The following PLCG1 variants were observed in gnomAD, a reference collection of about 807,000 sequenced individuals.
PLCG1 encodes the protein phospholipase C gamma 1.
PLCG1 carries 71 observed loss-of-function variants against 177.8 expected under a neutral mutation model. That is an observed-to-expected ratio of 0.40 (90% CI 0.33 to 0.49). The LOEUF is 0.49. Among genes scored for constraint, PLCG1 ranks in the 20% least tolerant of loss-of-function variants. PLCG1 has a pLI of 0.72. For missense variants in PLCG1, 1,281 were observed against 1,709.0 expected, an observed-to-expected ratio of 0.75 and a Z score of 4.42; for synonymous variants, 658 against 647.9, an observed-to-expected ratio of 1.02 and a Z score of -0.24.
In PLCG1 at chr20:41,144,565, C is replaced by A. The variant is rs1368209606; in HGVS notation, c.217+6707C>A. Among the ~76,000 whole-genome samples the A allele has an allele frequency of 6.6e-6, 1 of 152,196 alleles. No homozygotes were observed. Among genetic ancestry groups the A allele is most frequent in the Non-Finnish European group, 1.5e-5 (1 of 68,042 alleles). ...GGGGGTGGGACACAGAAGAGCCTCA[C>A]CCTCTTGACTTTCTGGTTTGTGGTG... On this transcript the variant is annotated intron_variant, in intron 1 of 31. Transcript: ENST00000685551. The surrounding 1 kb of genome is among the most constrained non-coding windows in gnomAD (Gnocchi z 4.1).
At chr20:41,171,617 A>G (rs1289934372) in intron 24 of PLCG1, among the ~76,000 whole-genome samples, 1 of 149,940 alleles carries the variant, frequency 6.7e-6, no homozygotes, top group East Asian at 2.0e-4. Context: ...AAAGCCACTG[A>G]AAGAAAGTCC....
rs997284088 is a variant in PLCG1 at position 41,159,005 on chromosome 20, C to T, written c.218-601C>T. On this transcript the variant is annotated intron_variant, in intron 1 of 31. Transcript: ENST00000685551. The surrounding 1 kb of genome is among the most constrained non-coding windows in gnomAD (Gnocchi z 6.0). Reference sequence around the variant, plus strand: ...GGATAGCTAAGATAAGGAAATGGTCCCAGGCAAAATGGTGGTCTGGGTCCA... The same window carrying T: ...GGATAGCTAAGATAAGGAAATGGTCTCAGGCAAAATGGTGGTCTGGGTCCA... Among the ~76,000 whole-genome samples, 3 of 152,164 alleles carry T rather than the reference C, an allele frequency of 2.0e-5. No individual in the cohort carries two copies. The highest frequency in any genetic ancestry group is 4.1e-4 in the South Asian group (2 of 4,824).
In PLCG1 at chr20:41,173,683, C is replaced by T; in HGVS notation, c.3426C>T (p.Ala1142=). The part of the protein sequence containing the change: ...VDNGLNPVWP[A]KPFHFQISNP... Reference sequence around the variant, plus strand: ...ATGGACTCAACCCTGTATGGCCAGCCAAGCCCTTCCACTTCCAGATCAGTA... The same window carrying T: ...ATGGACTCAACCCTGTATGGCCAGCTAAGCCCTTCCACTTCCAGATCAGTA... The change falls in exon 29 of 32, where the codon GCC becomes GCT. Residue 1142 remains alanine (A), a synonymous_variant. Transcript: ENST00000685551. This position sits in a 1 kb window ranked among gnomAD's most constrained non-coding sequence, Gnocchi z 6.2. The T allele has an allele frequency of 6.2e-7, 1 of 1,614,218 alleles. No individual in the cohort carries two copies. Among genetic ancestry groups the T allele is most frequent in the Non-Finnish European group, 8.5e-7 (1 of 1,180,036 alleles).
chr20:41,138,567 G>C (rs2034697057), intron 1 of PLCG1, among the ~76,000 whole-genome samples: 1 of 151,788 alleles, frequency 6.6e-6, no homozygotes, highest in Non-Finnish European at 1.5e-5. Context: ...CCAGGGCAGG[G>C]ACTCCCCTTG....
chr20:41,161,354 G>T (rs1195684160), intron 4 of PLCG1, among the ~76,000 whole-genome samples: 2 of 152,172 alleles, frequency 1.3e-5, no homozygotes, highest in East Asian at 3.8e-4. Context: ...ACTCTTGCAA[G>T]GAGTTTTGCT....
chr20:41,171,952 C>A (rs371350937), intron 24 of PLCG1, among the ~76,000 whole-genome samples: 6 of 152,318 alleles, frequency 3.9e-5, no homozygotes, highest in Admixed American at 6.5e-5. Flanking sequence ...CCCCACCCCC[C>A]CTAAGAGGGT....
Position 41,163,911 on chromosome 20 carries a change from G to A in PLCG1, c.1011-10G>A. 3 of 1,614,034 alleles carry A rather than the reference G, an allele frequency of 1.9e-6. No individual in the cohort carries two copies. Among genetic ancestry groups the A allele is most frequent in the Non-Finnish European group, 2.5e-6 (3 of 1,179,938 alleles). ...TGACCATACCTACCTGCCTCTCCTT[G>A]CCTATCCAGGTACCTGACCGGGGAC... On this transcript the variant is annotated splice_polypyrimidine_tract_variant and intron_variant, in intron 10 of 31. Transcript: ENST00000685551. This position sits in a 1 kb window ranked among gnomAD's most constrained non-coding sequence, Gnocchi z 5.2.
At position 41,173,701 on chromosome 20, in the gene PLCG1, G is replaced by A; in HGVS notation, c.3444G>A (p.Gln1148=). 6.2e-7 allele frequency: 1 copy of A among 1,614,182 alleles called. No individual in the cohort carries two copies. The highest frequency in any genetic ancestry group is 8.5e-7 in the Non-Finnish European group (1 of 1,180,030). Residue 1148 remains glutamine, a synonymous_variant, in exon 29 of 32, where the codon CAG becomes CAA. Coordinates refer to ENST00000685551, the MANE Select transcript of PLCG1 (RefSeq NM_002660.3). The surrounding 1 kb of genome is among the most constrained non-coding windows in gnomAD (Gnocchi z 6.2). ...GGCCAGCCAAGCCCTTCCACTTCCAGATCAGTAACCCTGAATTTGCCTTTC... is the reference window on the plus strand; with the variant it reads ...GGCCAGCCAAGCCCTTCCACTTCCAAATCAGTAACCCTGAATTTGCCTTTC... ...PVWPAKPFHF[Q]ISNPEFAFLR...
At position 41,172,173 on chromosome 20, in the gene PLCG1, G is replaced by A; in HGVS notation, c.2809-20G>A. 2 of 1,589,856 alleles carry A rather than the reference G, an allele frequency of 1.3e-6. No individual in the cohort carries two copies. ...GCAGGGCTGTAGCCTGGGGCTACAG[G>A]GCCTTGTGTGTGTCACCAGCTCACT... On this transcript the variant is annotated intron_variant, in intron 24 of 31. Transcript: ENST00000685551. This position sits in a 1 kb window ranked among gnomAD's most constrained non-coding sequence, Gnocchi z 7.0.
Position 41,154,963 on chromosome 20 carries a change from A to G in PLCG1, c.218-4643A>G, listed in dbSNP as rs35485744. On this transcript the variant is annotated intron_variant, in intron 1 of 31. Coordinates refer to ENST00000685551, the MANE Select transcript of PLCG1 (RefSeq NM_002660.3). Reference sequence around the variant, plus strand: ...GCAACTGCCATTACTGGCATGTCCAAAAGGGGGATGCTGTCCAGGACTGCA... The same window carrying G: ...GCAACTGCCATTACTGGCATGTCCAGAAGGGGGATGCTGTCCAGGACTGCA... 6.0e-3 allele frequency among the ~76,000 whole-genome samples: 913 copies of G among 152,294 alleles called. 7 individuals carry two copies. Among genetic ancestry groups the G allele is most frequent in the South Asian group, 0.018 (87 of 4,826 alleles).
At chr20:41,154,762 C>G (rs1036680600) in intron 1 of PLCG1, among the ~76,000 whole-genome samples, 1 of 152,176 alleles carries the variant, frequency 6.6e-6, no homozygotes, top group South Asian at 2.1e-4. Flanking sequence ...CTTGTCCCTT[C>G]GACAGCACCC....
Position 41,167,905 on chromosome 20 carries a change from G to A in PLCG1, c.2355G>A (p.Glu785=). The A allele has an allele frequency of 1.2e-6, 2 of 1,613,790 alleles. No homozygotes were observed. Among genetic ancestry groups the A allele is most frequent in the Non-Finnish European group, 1.7e-6 (2 of 1,179,784 alleles). ...YEGRNPGFYV[E]ANPMPTFKCA... is the part of the protein sequence containing the mutation. The stretch of plus-strand genomic sequence containing the variant: ...GACGCAACCCTGGCTTCTATGTAGA[G>A]GCAAACCCTATGCCAACTTTCAAGG... The change falls in exon 20 of 32, where the codon GAG becomes GAA. Residue 785 remains glutamate (E), a synonymous_variant. Transcript: ENST00000685551. This position sits in a 1 kb window ranked among gnomAD's most constrained non-coding sequence, Gnocchi z 4.4.
chr20:41,140,839 A>G (rs2034799672), intron 1 of PLCG1, among the ~76,000 whole-genome samples: 1 of 152,210 alleles, frequency 6.6e-6, no homozygotes, highest in Non-Finnish European at 1.5e-5. Context: ...CCCATTTTAC[A>G]GATGAGCAAA....
rs1176369860 is a variant in PLCG1, at chr20:41,174,827, G to A, written c.*318G>A. On this transcript the variant is annotated 3_prime_UTR_variant, in exon 32 of 32. Coordinates refer to ENST00000685551, the MANE Select transcript of PLCG1 (RefSeq NM_002660.3). This position sits in a 1 kb window ranked among gnomAD's most constrained non-coding sequence, Gnocchi z 5.8. ...GACCATGGCCGAAGCCCCTTGGAGAGAGAGGCTGCCTCAGCCAGTGGCACA... is the reference window on the plus strand; with the variant it reads ...GACCATGGCCGAAGCCCCTTGGAGAAAGAGGCTGCCTCAGCCAGTGGCACA... 2.8e-6 allele frequency: 1 copy of A among 356,808 alleles called. No homozygotes were observed. Among genetic ancestry groups the A allele is most frequent in the Non-Finnish European group, 5.2e-6 (1 of 191,456 alleles). 22.1% of individuals were successfully genotyped at this position (356,808 alleles called of 1,614,324 possible). A position where few individuals can be genotyped will look rare whatever the true frequency, so the allele number is the denominator to read the frequency against.
In PLCG1 at chr20:41,166,669, C is replaced by T. The variant is rs1333543903; in HGVS notation, c.2121-10C>T. ...CCCTGACCCTGTGTGACTGTTTTGT[C>T]CTTGTGAAGGGCTGAGGGCAAGATC... On this transcript the variant is annotated splice_polypyrimidine_tract_variant and intron_variant, in intron 18 of 31. Coordinates refer to ENST00000685551, the MANE Select transcript of PLCG1 (RefSeq NM_002660.3). This position sits in a 1 kb window ranked among gnomAD's most constrained non-coding sequence, Gnocchi z 8.6. The T allele has an allele frequency of 2.5e-6, 4 of 1,614,088 alleles. No homozygotes were observed. Among genetic ancestry groups the T allele is most frequent in the Admixed American group, 1.7e-5 (1 of 60,030 alleles).
chr20:41,162,393 A>C (rs2035537272), intron 4 of PLCG1, 59 bp from the exon 5 acceptor site: 1 of 1,381,842 alleles, frequency 7.2e-7, no homozygotes, highest in Non-Finnish European at 1.0e-6. Context: ...GGCTCGACCC[A>C]CAGGTCAGAG....
intron 4 of PLCG1, among the ~76,000 whole-genome samples, chr20:41,161,048 G>A (rs1471631188): frequency 1.3e-5 from 2 of 152,120 alleles, no homozygotes. Context: ...ATTTTAACTT[G>A]GGAGTATGTA....
Position 41,170,146 on chromosome 20 carries a change from C to A in PLCG1, c.2685C>A (p.Phe895Leu), listed in dbSNP as rs1457168338. The stretch of plus-strand genomic sequence containing the variant: ...CTGAGGGCAAGAACAACCGGCTCTT[C>A]GTCTTCTCCATCAGCATGGCGTCGG... ...IRPEGKNNRL[F>L]VFSISMASVA... Residue 895 changes from phenylalanine (F) to leucine (L), a missense_variant, in exon 24 of 32, where the codon TTC becomes TTA. Physicochemically the swap from Phe to Leu is conservative, Grantham distance 22 (BLOSUM62 0). This residue lies in a region of PLCG1 where 723 missense variants were observed against 1,030.0 expected (regional missense o/e 0.70). Coordinates refer to ENST00000685551, the MANE Select transcript of PLCG1 (RefSeq NM_002660.3). The A allele has an allele frequency of 6.2e-7, 1 of 1,613,736 alleles. No individual in the cohort carries two copies. The highest frequency in any genetic ancestry group is 1.3e-5 in the African/African-American group (1 of 74,916).
In PLCG1 at chr20:41,155,990, G is replaced by GA. The variant is rs1163106612; in HGVS notation, c.218-3614dup. On this transcript the variant is annotated intron_variant, in intron 1 of 31. Coordinates refer to ENST00000685551, the MANE Select transcript of PLCG1 (RefSeq NM_002660.3). ...GGGAAAGCTTCTTGAAAGAGCAGGA[G>GA]AAGGCAGATCTCCATCAGGGCAGGG... is the stretch of plus-strand genomic sequence containing the variant. Among the ~76,000 whole-genome samples the GA allele has an allele frequency of 3.9e-5, 6 of 152,318 alleles. No homozygotes were observed. In the East Asian group the frequency reaches 1.2e-3, roughly 29 times the overall value.
Sources: allele counts gnomAD v4.1 joint callset (sites outside exome capture counted in the v4.1 genomes callset), GRCh38; gene constraint gnomAD v4.1.1; regional missense constraint gnomAD v4.1.1; non-coding constraint Gnocchi (gnomAD v3.1); transcripts MANE v1.5; gene names NCBI Gene and HGNC (gene_info 2026-07-23, HGNC 2026-07-21).